The following ADAMTS2 variants were observed in gnomAD, a reference collection of about 807,000 sequenced individuals.
The protein encoded by ADAMTS2 is ADAM metallopeptidase with thrombospondin type 1 motif 2.
ADAMTS2 carries 50 observed loss-of-function variants against 123.0 expected under a neutral mutation model. That is an observed-to-expected ratio of 0.41 (90% CI 0.32 to 0.51). ADAMTS2 has a LOEUF of 0.51. ADAMTS2 is among the 20% of genes least tolerant of loss of function. The probability of loss-of-function intolerance (pLI) is 0.35; values close to 1 mark genes in which losing one functional copy is unlikely to be tolerated. For missense variants in ADAMTS2, 1,494 were observed against 1,705.2 expected (o/e 0.88, Z 2.18); for synonymous variants, 678 against 695.4 (o/e 0.98, Z 0.39).
At chr5:179,203,084 G>A (rs1043806847) in intron 4 of ADAMTS2, among the ~76,000 whole-genome samples, 14 of 152,320 alleles carry the variant, frequency 9.2e-5, no homozygotes, top group Middle Eastern at 3.4e-3. Flanking sequence ...CCCAAATGAT[G>A]AGGGAAACTG....
intron 3 of ADAMTS2, among the ~76,000 whole-genome samples, chr5:179,267,372 C>G (rs1250507532): frequency 6.6e-6 from 1 of 152,222 alleles, no homozygotes; most frequent in Non-Finnish European, 1.5e-5. Flanking sequence ...CCCGTGGTGG[C>G]GTGCCTCGTC....
intron 10 of ADAMTS2, among the ~76,000 whole-genome samples, chr5:179,149,193 G>A (rs1040862666): frequency 6.6e-6 from 1 of 152,156 alleles, no homozygotes; most frequent in Non-Finnish European, 1.5e-5. Flanking sequence ...TTCGGGAAGC[G>A]TTAGGTGATG....
Position 179,181,089 on chromosome 5 carries a change from G to A in ADAMTS2, c.958C>T (p.Leu320Phe). The change falls in exon 5 of 22, where the codon CTC (leucine) becomes TTC (phenylalanine). Residue 320 changes from leucine (L) to phenylalanine (F), a missense_variant. Around this residue, in one of 6 missense-constraint regions of ADAMTS2, gnomAD observed 70 missense variants for 85.3 expected, o/e 0.82. Transcript: ENST00000251582. The surrounding 1 kb of genome is among the most constrained non-coding windows in gnomAD (Gnocchi z 4.1). ...GCACTCACCTTTCCATAGCTCAGGA[G>A]GATGATCCGCACCAGGACCACGTTG... ...HINVVLVRIILLSYGKSMSLI... is the reference protein window; with the variant it reads ...HINVVLVRIIFLSYGKSMSLI... 6.2e-7 allele frequency: 1 copy of A among 1,613,878 alleles called. No homozygotes were observed. Among genetic ancestry groups the A allele is most frequent in the Non-Finnish European group, 8.5e-7 (1 of 1,179,882 alleles).
intron 2 of ADAMTS2, among the ~76,000 whole-genome samples, chr5:179,301,659 G>A (rs1355450419): frequency 1.3e-5 from 2 of 152,266 alleles, no homozygotes; most frequent in Non-Finnish European, 2.9e-5. Flanking sequence ...GTAACTGGGG[G>A]AGAGAAGTGG....
intron 19 of ADAMTS2, among the ~76,000 whole-genome samples, chr5:179,123,582 C>A (rs756197472): frequency 6.6e-6 from 1 of 152,202 alleles, no homozygotes; most frequent in African/African-American, 2.4e-5. Context: ...CACGCCACCA[C>A]ATCTGGCTAA....
intron 3 of ADAMTS2, among the ~76,000 whole-genome samples, chr5:179,217,804 TG>T (rs1561811228): frequency 3.9e-4 from 25 of 63,880 alleles, no homozygotes; most frequent in African/African-American, 1.3e-3. Flanking sequence ...AAGGGGGGGA[TG>T]GGCACACTCA....
intron 21 of ADAMTS2, among the ~76,000 whole-genome samples, chr5:179,116,411 C>A (rs1762661161): frequency 6.6e-6 from 1 of 152,186 alleles, no homozygotes; most frequent in Admixed American, 6.5e-5. Context: ...CCTCCAGCTA[C>A]CACCCTTCCT....
chr5:179,127,784 C>A (rs1762884270), intron 17 of ADAMTS2, among the ~76,000 whole-genome samples, 175 bp downstream of exon 17: 1 of 152,138 alleles, frequency 6.6e-6, no homozygotes, highest in Non-Finnish European at 1.5e-5. Flanking sequence ...CCAGCACCCC[C>A]CTTCCTGCCC....
At chr5:179,212,503 G>A (rs1315901635) in intron 3 of ADAMTS2, among the ~76,000 whole-genome samples, 13 of 110,296 alleles carry the variant, frequency 1.2e-4, no homozygotes, top group East Asian at 1.2e-3. Flanking sequence ...GGGCAGGCAC[G>A]GGCTTTGTGG....
At chr5:179,337,044 G>A (rs757023657) in intron 2 of ADAMTS2, among the ~76,000 whole-genome samples, 1 of 152,150 alleles carries the variant, frequency 6.6e-6, no homozygotes, top group Admixed American at 6.5e-5. Context: ...GGACAAGCCC[G>A]AGGAGCCAGC....
chr5:179,293,145 A>G (rs1340048706), intron 2 of ADAMTS2, among the ~76,000 whole-genome samples: 1 of 152,140 alleles, frequency 6.6e-6, no homozygotes, highest in East Asian at 1.9e-4. Context: ...GTCCACGGGG[A>G]AGACAGTCTG....
intron 3 of ADAMTS2, among the ~76,000 whole-genome samples, chr5:179,261,062 C>G (rs1370885793): frequency 2.6e-5 from 4 of 152,050 alleles, no homozygotes; most frequent in African/African-American, 9.7e-5. Context: ...GCAACTAACG[C>G]TAACAAAACT....
chr5:179,293,828 T>C (rs1462450009), intron 2 of ADAMTS2, among the ~76,000 whole-genome samples: 2 of 151,916 alleles, frequency 1.3e-5, no homozygotes, highest in Non-Finnish European at 2.9e-5. Context: ...TTTCATCACA[T>C]TGGCTAGGTG....
chr5:179,333,116 C>T (rs1009196368), intron 2 of ADAMTS2, among the ~76,000 whole-genome samples: 18 of 152,158 alleles, frequency 1.2e-4, no homozygotes, highest in Non-Finnish European at 2.4e-4. Flanking sequence ...GGCCAGGAGC[C>T]GACACCGCTG....
chr5:179,160,375 C>T (rs959062253), intron 5 of ADAMTS2, among the ~76,000 whole-genome samples: 3 of 152,148 alleles, frequency 2.0e-5, no homozygotes, highest in African/African-American at 7.2e-5. Context: ...CGCTTGAACC[C>T]GGGAGGTGGA....
At chr5:179,265,770 C>A (rs944601413) in intron 3 of ADAMTS2, among the ~76,000 whole-genome samples, 1 of 152,232 alleles carries the variant, frequency 6.6e-6, no homozygotes, top group Non-Finnish European at 1.5e-5. Context: ...CCGGTCTGCA[C>A]GAGGACAGGA....
chr5:179,299,300 C>T (rs34998366), intron 2 of ADAMTS2, among the ~76,000 whole-genome samples: 54,873 of 72,386 alleles, frequency 0.76, 21,396 homozygotes, highest in Non-Finnish European at 0.8. Context: ...GAGGCTGAGG[C>T]GGGCGGATCA....
At position 179,158,966 on chromosome 5, in the gene ADAMTS2, C is replaced by T. The variant is rs3733916; in HGVS notation, c.976-87G>A. On this transcript the variant is annotated intron_variant, in intron 5 of 21. Coordinates refer to ENST00000251582, the MANE Select transcript of ADAMTS2 (RefSeq NM_014244.5). The surrounding 1 kb of genome is among the most constrained non-coding windows in gnomAD (Gnocchi z 5.0). ...CGAGCAGGCTGTAGTGTTGACAGAC[C>T]CCATCCACTGGGAATCTGTTCCAGG... is the stretch of plus-strand genomic sequence containing the variant. 6 of 1,509,984 alleles carry T rather than the reference C, an allele frequency of 4.0e-6. No homozygotes were observed. The East Asian group carries it at 1.2e-4, about 30-fold the overall frequency. 93.5% of individuals were successfully genotyped at this position (1,509,984 alleles called of 1,614,324 possible).
intron 2 of ADAMTS2, among the ~76,000 whole-genome samples, chr5:179,315,400 G>T (rs531875938): frequency 2.6e-5 from 4 of 152,388 alleles, no homozygotes; most frequent in African/African-American, 9.6e-5. Flanking sequence ...CCCCAAAGGG[G>T]GTTTGTTTCC....
Sources: allele counts gnomAD v4.1 joint callset (sites outside exome capture counted in the v4.1 genomes callset), GRCh38; gene constraint gnomAD v4.1.1; regional missense constraint gnomAD v4.1.1; non-coding constraint Gnocchi (gnomAD v3.1); transcripts MANE v1.5; gene names NCBI Gene and HGNC (gene_info 2026-07-23, HGNC 2026-07-21).